Variants in MRAS observed in about 807,000 individuals in gnomAD.
MRAS encodes muscle RAS oncogene homolog.
MRAS carries 4 observed loss-of-function variants against 20.9 expected under a neutral mutation model. The ratio of observed to expected loss-of-function variants is 0.19; its 90% CI spans 0.09 to 0.44. The LOEUF (loss-of-function observed/expected upper bound fraction) is 0.44. Ranked by LOEUF, MRAS falls within the 20% of genes least tolerant of loss-of-function variation. MRAS has a pLI of 0.99. For missense variants in MRAS, 154 were observed against 277.5 expected, an observed-to-expected ratio of 0.56 and a Z score of 3.16; for synonymous variants, 98 against 102.9, an observed-to-expected ratio of 0.95 and a Z score of 0.29.
At position 138,386,155 on chromosome 3, in the gene MRAS, G is replaced by A. The variant is rs535501119; in HGVS notation, c.194-11169G>A. ...TGTATTCACAGAGTTGTACAACCAC[G>A]TATTGCTGATTAACAAATCAGTAAT... On this transcript the variant is annotated intron_variant, in intron 2 of 5. Transcript: ENST00000423968. 2.4e-4 allele frequency among the ~76,000 whole-genome samples: 12 copies of A among 49,862 alleles called. No individual in the cohort carries two copies. In the East Asian group the frequency reaches 5.5e-3, roughly 23 times the overall value. 32.7% of individuals were successfully genotyped at this position (49,862 alleles called of 152,430 possible). A position where few individuals can be genotyped will look rare whatever the true frequency, so the allele number is the denominator to read the frequency against.
chr3:138,381,032 C>G (rs1019041025), intron 2 of MRAS, among the ~76,000 whole-genome samples: 1 of 151,832 alleles, frequency 6.6e-6, no homozygotes, highest in Non-Finnish European at 1.5e-5. Context: ...CTCGGCCTCC[C>G]AAAGTGTTGG....
At chr3:138,398,371 G>A (rs2055285491) in intron 3 of MRAS, 98 bp from the exon 4 acceptor site, 2 of 954,048 alleles carry the variant, frequency 2.1e-6, no homozygotes, top group Non-Finnish European at 1.7e-6. Flanking sequence ...GAGGTGCTGT[G>A]GGCTGGCTGT....
intron 1 of MRAS, among the ~76,000 whole-genome samples, chr3:138,369,829 A>G (rs1023620103): frequency 1.3e-5 from 2 of 152,164 alleles, no homozygotes; most frequent in Admixed American, 6.5e-5. Flanking sequence ...GGAGTCCCCA[A>G]GTGATTTGGC....
chr3:138,371,354 A>G (rs982682088), intron 1 of MRAS, among the ~76,000 whole-genome samples: 20 of 152,220 alleles, frequency 1.3e-4, no homozygotes, highest in African/African-American at 4.8e-4. Flanking sequence ...TTCTGTCAAA[A>G]TCTAGAACTG....
At chr3:138,371,622 C>T (rs537103369) in intron 1 of MRAS, among the ~76,000 whole-genome samples, 49 of 152,254 alleles carry the variant, frequency 3.2e-4, no homozygotes, top group African/African-American at 1.1e-3. Flanking sequence ...TCTACACAGC[C>T]GTAGGATTAA....
chr3:138,361,785 A>G (rs2054453089), intron 1 of MRAS, among the ~76,000 whole-genome samples: 1 of 152,196 alleles, frequency 6.6e-6, no homozygotes, highest in Non-Finnish European at 1.5e-5. Flanking sequence ...AGTGACCACC[A>G]GCATGACGTT....
chr3:138,391,945 C>T (rs2055140081), intron 2 of MRAS, among the ~76,000 whole-genome samples: 1 of 152,150 alleles, frequency 6.6e-6, no homozygotes. Flanking sequence ...TGAGACCATC[C>T]TGGCCAACAT....
intron 4 of MRAS, among the ~76,000 whole-genome samples, chr3:138,399,643 A>G (rs1023917398): frequency 6.6e-6 from 1 of 152,222 alleles, no homozygotes. Flanking sequence ...GTAATCAGAA[A>G]AACTTATGAA....
chr3:138,370,667 C>G (rs552907525), intron 1 of MRAS, among the ~76,000 whole-genome samples: 2 of 152,290 alleles, frequency 1.3e-5, no homozygotes, highest in East Asian at 3.9e-4. Context: ...CTGAAATCCC[C>G]ACTCGAATGA....
In MRAS at chr3:138,390,457, G is replaced by A. The variant is rs114735542; in HGVS notation, c.194-6867G>A. Among the ~76,000 whole-genome samples the A allele has an allele frequency of 7.3e-3, 1,106 of 152,184 alleles. 8 individuals carry two copies. The highest frequency in any genetic ancestry group is 0.025 in the African/African-American group (1,057 of 41,526). On this transcript the variant is annotated intron_variant, in intron 2 of 5. Transcript: ENST00000423968. ...CTGTCTCTCTCTCACAAACGCACAC[G>A]CACACGCACATTGGCAGCATACCTC...
chr3:138,389,454 G>A (rs556363692), intron 2 of MRAS, among the ~76,000 whole-genome samples: 1 of 150,426 alleles, frequency 6.6e-6, no homozygotes, highest in African/African-American at 2.5e-5. Flanking sequence ...TGAGGAGGAA[G>A]GGAGATGGAC....
At chr3:138,402,033 C>T in intron 5 of MRAS, 137 bp from the exon 6 acceptor site, 3 of 736,328 alleles carry the variant, frequency 4.1e-6, no homozygotes, top group Non-Finnish European at 4.5e-6. Context: ...AGAGGGATGG[C>T]ATCCCCATCC....
At chr3:138,368,899 G>T (rs934468822) in intron 1 of MRAS, among the ~76,000 whole-genome samples, 1 of 151,540 alleles carries the variant, frequency 6.6e-6, no homozygotes, top group Non-Finnish European at 1.5e-5. Flanking sequence ...TCAGGGTTTT[G>T]GGGGGGGCCG....
At chr3:138,398,383 C>A in intron 3 of MRAS, 86 bp from the exon 4 acceptor site, 1 of 1,102,700 alleles carries the variant, frequency 9.1e-7, no homozygotes, top group Non-Finnish European at 1.4e-6. Flanking sequence ...GCTGGCTGTG[C>A]TATGCCTGAG....
Position 138,402,430 on chromosome 3 carries a change from T to G in MRAS, c.*161T>G, listed in dbSNP as rs553695732. On this transcript the variant is annotated 3_prime_UTR_variant, in exon 6 of 6. Transcript: ENST00000423968. ...GGGCAGGGAGCAGACAGGGTCTGGC[T>G]TTGCCCAGAGGGCACGGGCTTTCCC... is the stretch of plus-strand genomic sequence containing the variant. The G allele has an allele frequency of 1.5e-6, 1 of 662,394 alleles. No homozygotes were observed. Among genetic ancestry groups the G allele is most frequent in the East Asian group, 2.8e-5 (1 of 35,112 alleles). The allele number at this position is 662,394 out of a possible 1,614,324, so 41.0% of individuals were successfully genotyped here. A position where few individuals can be genotyped will look rare whatever the true frequency, so the allele number is the denominator to read the frequency against.
rs187896109 is a variant in MRAS, at chr3:138,402,551, T to G, written c.*282T>G. ...GTTGATTCAACCCGGTTCCTCCCCCTCTCTCGGTGGGTGTGTTGTTTATTG... is the reference window on the plus strand; with the variant it reads ...GTTGATTCAACCCGGTTCCTCCCCCGCTCTCGGTGGGTGTGTTGTTTATTG... On this transcript the variant is annotated 3_prime_UTR_variant, in exon 6 of 6. Transcript: ENST00000423968. The G allele has an allele frequency of 5.3e-6, 2 of 379,674 alleles. No individual in the cohort carries two copies. Among genetic ancestry groups the G allele is most frequent in the African/African-American group, 4.9e-5 (2 of 40,886 alleles). 23.5% of individuals were successfully genotyped at this position (379,674 alleles called of 1,614,324 possible). A position where few individuals can be genotyped will look rare whatever the true frequency, so the allele number is the denominator to read the frequency against.
intron 2 of MRAS, among the ~76,000 whole-genome samples, chr3:138,378,868 A>G (rs1200742244): frequency 6.7e-6 from 1 of 150,334 alleles, no homozygotes; most frequent in Non-Finnish European, 1.5e-5. Flanking sequence ...TTAAACACTG[A>G]CTCCCCATTC....
upstream of MRAS, chr3:138,348,430 G>C (rs1347171451): frequency 4.6e-5 from 7 of 152,216 alleles, no homozygotes; most frequent in East Asian, 1.4e-3. Context: ...GCTGGACTTC[G>C]TAGGCGCGCG....
At chr3:138,353,947 C>T (rs967703477) in intron 1 of MRAS, among the ~76,000 whole-genome samples, 3 of 152,182 alleles carry the variant, frequency 2.0e-5, no homozygotes, top group South Asian at 2.1e-4. Context: ...TCCGTTAGAC[C>T]GTGCTGTTCC....
Sources: gnomAD v4.1 joint callset for allele counts (sites outside exome capture counted in the v4.1 genomes callset) on GRCh38, gnomAD v4.1.1 for gene constraint, MANE v1.5 for transcripts, NCBI Gene and HGNC (gene_info 2026-07-23, HGNC 2026-07-21) for gene names.